CALHM2: variants seen among roughly 807,000 people sequenced by gnomAD.
CALHM2 encodes the protein calcium homeostasis modulator protein 2.
A neutral mutation model predicts 20.4 loss-of-function variants in CALHM2; 18 were observed. The observed-to-expected ratio is 0.88, with a 90% CI of 0.61 to 1.31. CALHM2 has a LOEUF of 1.31. Among genes scored for constraint, CALHM2 ranks in the 50% most tolerant of loss-of-function variants. The pLI is 0.00. For synonymous variants in CALHM2, 193 were observed against 192.1 expected (o/e 1.00, Z -0.04); for missense variants, 411 against 435.7 (o/e 0.94, Z 0.50).
Position 103,447,422 on chromosome 10 carries a change from C to A in CALHM2, c.702G>T (p.Thr234=), listed in dbSNP as rs149608137. The change falls in exon 4 of 4, where the codon ACG becomes ACT. Residue 234 remains threonine, a synonymous_variant. Transcript: ENST00000260743. ...RANEDQLFQR[T]AEVHSRVLAA... Reference sequence around the variant, plus strand: ...CGAGCACCCGAGAGTGCACCTCGGCCGTGCGCTGGAACAGCTGGTCCTCAT... The same window carrying A: ...CGAGCACCCGAGAGTGCACCTCGGCAGTGCGCTGGAACAGCTGGTCCTCAT... 2 of 1,614,188 alleles carry A rather than the reference C, an allele frequency of 1.2e-6. No individual in the cohort carries two copies. Among genetic ancestry groups the A allele is most frequent in the Non-Finnish European group, 8.5e-7 (1 of 1,180,014 alleles).
In CALHM2 at chr10:103,447,425, G is replaced by A; in HGVS notation, c.699C>T (p.Arg233=). Residue 233 remains arginine (R), a synonymous_variant, in exon 4 of 4, where the codon CGC becomes CGT. Coordinates refer to ENST00000260743, the MANE Select transcript of CALHM2 (RefSeq NM_015916.5). ...GCACCCGAGAGTGCACCTCGGCCGT[G>A]CGCTGGAACAGCTGGTCCTCATTGG... ...YRANEDQLFQ[R]TAEVHSRVLA... The A allele has an allele frequency of 6.2e-7, 1 of 1,614,212 alleles. No homozygotes were observed. The highest frequency in any genetic ancestry group is 8.5e-7 in the Non-Finnish European group (1 of 1,180,028).
At chr10:103,448,731 A>G (rs1464632357) in intron 3 of CALHM2, among the ~76,000 whole-genome samples, 1 of 151,908 alleles carries the variant, frequency 6.6e-6, no homozygotes, top group African/African-American at 2.4e-5. Flanking sequence ...AAAAAAAAAA[A>G]AAGAAAAAAA....
chr10:103,449,377 A>G lies in CALHM2; in HGVS notation c.555+10T>C. Reference sequence around the variant, plus strand: ...AGGGAAGAGGAGCTTCCCTTTGCACAGCTCCTTACCTGGGACTCATACCTG... The same window carrying G: ...AGGGAAGAGGAGCTTCCCTTTGCACGGCTCCTTACCTGGGACTCATACCTG... On this transcript the variant is annotated intron_variant, in intron 3 of 3. Coordinates refer to ENST00000260743, the MANE Select transcript of CALHM2 (RefSeq NM_015916.5). 6.2e-7 allele frequency: 1 copy of G among 1,611,056 alleles called. No individual in the cohort carries two copies. Among genetic ancestry groups the G allele is most frequent in the South Asian group, 1.1e-5 (1 of 90,940 alleles).
chr10:103,450,093 G>T lies in CALHM2; in HGVS notation c.-152C>A. 1.5e-6 allele frequency: 1 copy of T among 664,284 alleles called. No individual in the cohort carries two copies. Among genetic ancestry groups the T allele is most frequent in the Non-Finnish European group, 2.6e-6 (1 of 390,038 alleles). 41.1% of individuals were successfully genotyped at this position (664,284 alleles called of 1,614,324 possible). On this transcript the variant is annotated 5_prime_UTR_variant, in exon 3 of 4. Transcript: ENST00000260743. ...TTTATCCCCAGCTGTGGTTGGCCTG[G>T]TGTTTCCTGTGGAGCAGATGACCGA...
In CALHM2 at chr10:103,447,353, G is replaced by T; in HGVS notation, c.771C>A (p.Asn257Lys). Residue 257 changes from asparagine to lysine, a missense_variant, in exon 4 of 4, where the codon AAC becomes AAA. By Grantham distance (94) the Asn-to-Lys change is moderately conservative (BLOSUM62 0). Coordinates refer to ENST00000260743, the MANE Select transcript of CALHM2 (RefSeq NM_015916.5). ...TGGCAATCAGTTCCTCATCATCCTT[G>T]TTGAGCGCCACAAAGCCAAAGAAGC... ...VRRFFGFVAL[N>K]KDDEELIANF... 1.2e-6 allele frequency: 2 copies of T among 1,614,230 alleles called. No homozygotes were observed. Among genetic ancestry groups the T allele is most frequent in the Non-Finnish European group, 1.7e-6 (2 of 1,180,038 alleles).
Position 103,449,446 on chromosome 10 carries a change from G to C in CALHM2, c.496C>G (p.Pro166Ala). 6.2e-7 allele frequency: 1 copy of C among 1,613,298 alleles called. No individual in the cohort carries two copies. The highest frequency in any genetic ancestry group is 8.5e-7 in the Non-Finnish European group (1 of 1,180,038). The change falls in exon 3 of 4, where the codon CCT (proline) becomes GCT (alanine). Residue 166 changes from proline to alanine, a missense_variant. Pro to Ala is a conservative substitution (Grantham distance 27). Transcript: ENST00000260743. ...ILARFPCKENPDNLSDFREEV... is the reference protein window; with the variant it reads ...ILARFPCKENADNLSDFREEV... The stretch of plus-strand genomic sequence containing the variant: ...TCCCGGAAGTCTGACAGGTTGTCAG[G>C]GTTCTCCTTGCAGGGGAACCTGGCC...
intron 3 of CALHM2, among the ~76,000 whole-genome samples, chr10:103,449,125 T>A (rs2032823603): frequency 6.6e-6 from 1 of 152,186 alleles, no homozygotes; most frequent in South Asian, 2.1e-4. Context: ...AGAAGAATGT[T>A]CCTTTAATGT....
At position 103,449,951 on chromosome 10, in the gene CALHM2, C is replaced by A; in HGVS notation, c.-10G>T. 1.2e-6 allele frequency: 2 copies of A among 1,603,690 alleles called. No individual in the cohort carries two copies. Among genetic ancestry groups the A allele is most frequent in the South Asian group, 1.1e-5 (1 of 90,254 alleles). On this transcript the variant is annotated 5_prime_UTR_variant, in exon 3 of 4. Coordinates refer to ENST00000260743, the MANE Select transcript of CALHM2 (RefSeq NM_015916.5). ...CGATCAGGGCTGCCATGGCGATAGT[C>A]GTGGCGGGGTGGATTGCAGGAGAGG...
At position 103,449,544 on chromosome 10, in the gene CALHM2, C is replaced by A. The variant is rs768566620; in HGVS notation, c.398G>T (p.Ser133Ile). ...LRGEAYVCAL[S>I]EFVDPSSLTA... Reference sequence around the variant, plus strand: ...GAGTGAGGAAGGGTCCACGAACTCACTGAGAGCACAGACATAAGCCTCACC... The same window carrying A: ...GAGTGAGGAAGGGTCCACGAACTCAATGAGAGCACAGACATAAGCCTCACC... The change falls in exon 3 of 4, where the codon AGT (serine) becomes ATT (isoleucine). Residue 133 changes from serine to isoleucine, a missense_variant. Coordinates refer to ENST00000260743, the MANE Select transcript of CALHM2 (RefSeq NM_015916.5). 6.2e-7 allele frequency: 1 copy of A among 1,613,776 alleles called. No individual in the cohort carries two copies. Among genetic ancestry groups the A allele is most frequent in the South Asian group, 1.1e-5 (1 of 91,084 alleles).
intron 2 of CALHM2, 93 bp downstream of exon 2, chr10:103,450,990 C>T (rs2032949546): frequency 6.6e-6 from 1 of 152,222 alleles, no homozygotes; most frequent in Non-Finnish European, 1.5e-5. Flanking sequence ...GGTGCCACAG[C>T]AGGACCTCTA....
At chr10:103,451,675 G>GAGGAGC (rs56662667) in intron 1 of CALHM2, 1 of 145,406 alleles carries the variant, frequency 6.9e-6, no homozygotes, top group African/African-American at 2.7e-5. Flanking sequence ...GGAGGAGGAG[G>GAGGAGC]AGTCTGATTC....
chr10:103,450,132 C>A (rs2032909321), intron 2 of CALHM2, 33 bp from the exon 3 acceptor site: 1 of 603,168 alleles, frequency 1.7e-6, no homozygotes, highest in African/African-American at 1.9e-5. Flanking sequence ...GTGTTTCCCT[C>A]TGAAAACCAG....
Position 103,447,266 on chromosome 10 carries a change from C to G in CALHM2, c.858G>C (p.Leu286Phe), listed in dbSNP as rs546611937. 45 of 1,614,228 alleles carry G rather than the reference C, an allele frequency of 2.8e-5. 1 individual carries two copies. In the South Asian group the frequency reaches 4.9e-4, roughly 18 times the overall value. ...GTGGGAGGCCCTGGTTCTCACGGTA[C>G]AAGTAGACGCCGGTGATGGCATTCC... is the stretch of plus-strand genomic sequence containing the variant. ...PQWNAITGVYLYRENQGLPLY... is the reference protein window; with the variant it reads ...PQWNAITGVYFYRENQGLPLY... Residue 286 changes from leucine (L) to phenylalanine (F), a missense_variant, in exon 4 of 4, where the codon TTG (leucine) becomes TTC (phenylalanine). Coordinates refer to ENST00000260743, the MANE Select transcript of CALHM2 (RefSeq NM_015916.5).
At chr10:103,449,171 C>T in intron 3 of CALHM2, 1 of 571,118 alleles carries the variant, frequency 1.8e-6, no homozygotes, top group East Asian at 3.0e-5. Flanking sequence ...CTGAGATTTA[C>T]AGTAAAAAAA....
At position 103,446,986 on chromosome 10, in the gene CALHM2, T is replaced by A; in HGVS notation, c.*166A>T. On this transcript the variant is annotated 3_prime_UTR_variant, in exon 4 of 4. Transcript: ENST00000260743. ...CTGGCCCTGCTGGCTGGGGCTTCCA[T>A]TGTCTACTGGGTCTGTCCACACCCC... is the stretch of plus-strand genomic sequence containing the variant. The A allele has an allele frequency of 1.5e-6, 1 of 672,222 alleles. No individual in the cohort carries two copies. Among genetic ancestry groups the A allele is most frequent in the Non-Finnish European group, 2.4e-6 (1 of 414,230 alleles). The allele number at this position is 672,222 out of a possible 1,614,324, so 41.6% of individuals were successfully genotyped here. A position where few individuals can be genotyped will look rare whatever the true frequency, so the allele number is the denominator to read the frequency against.
intron 3 of CALHM2, chr10:103,449,182 A>T (rs1395740012): frequency 1.4e-5 from 8 of 589,544 alleles, no homozygotes; most frequent in African/African-American, 1.9e-5. Context: ...AGTAAAAAAA[A>T]AAATTGATAA....
Position 103,449,413 on chromosome 10 carries a change from T to A in CALHM2, c.529A>T (p.Ser177Cys). The change falls in exon 3 of 4, where the codon AGC becomes TGC. Residue 177 changes from serine to cysteine, a missense_variant. By Grantham distance (112) the Ser-to-Cys change is moderately radical. Transcript: ENST00000260743. ...DNLSDFREEV[S>C]RRLRYESQLF... Reference sequence around the variant, plus strand: ...TGGGACTCATACCTGAGCCTGCGGCTGACCTCCTCCCGGAAGTCTGACAGG... The same window carrying A: ...TGGGACTCATACCTGAGCCTGCGGCAGACCTCCTCCCGGAAGTCTGACAGG... 6.2e-7 allele frequency: 1 copy of A among 1,613,088 alleles called. No individual in the cohort carries two copies. Among genetic ancestry groups the A allele is most frequent in the South Asian group, 1.1e-5 (1 of 91,080 alleles).
chr10:103,449,284 C>T, intron 3 of CALHM2, 103 bp downstream of exon 3: 1 of 1,017,656 alleles, frequency 9.8e-7, no homozygotes, highest in Non-Finnish European at 1.5e-6. Context: ...TCCCACAGAC[C>T]TCAGCCCCTG....
In CALHM2 at chr10:103,449,506, C is replaced by A. The variant is rs780133214; in HGVS notation, c.436G>T (p.Glu146Ter). The change falls in exon 3 of 4, where the codon GAG (glutamate) becomes TAG (stop). Residue 146 changes from glutamate to a stop codon, truncating the protein, a stop_gained. Coordinates refer to ENST00000260743, the MANE Select transcript of CALHM2 (RefSeq NM_015916.5). LOFTEE classifies it high-confidence loss of function. ...VDPSSLTARE[E>*]HFPSAHATEI... ...GTGGCGTGGGCTGATGGGAAGTGCT[C>A]TTCCCTGGCCGTGAGTGAGGAAGGG... 1.2e-6 allele frequency: 2 copies of A among 1,613,600 alleles called. No individual in the cohort carries two copies. Among genetic ancestry groups the A allele is most frequent in the East Asian group, 4.5e-5 (2 of 44,882 alleles).
Sources: gnomAD v4.1 joint callset for allele counts (sites outside exome capture counted in the v4.1 genomes callset) on GRCh38, gnomAD v4.1.1 for gene constraint, MANE v1.5 for transcripts, NCBI Gene and HGNC (gene_info 2026-07-23, HGNC 2026-07-21) for gene names.